TACR1: variants seen among roughly 807,000 people sequenced by gnomAD.
TACR1 encodes the protein tachykinin receptor 1.
A neutral mutation model predicts 35.8 loss-of-function variants in TACR1; 25 were observed. The observed-to-expected ratio is 0.70, with a 90% CI of 0.51 to 0.98. The LOEUF is 0.98. Among genes scored for constraint, TACR1 ranks in the 50% least tolerant of loss-of-function variants. TACR1 has a pLI of 0.00. For synonymous variants in TACR1, 195 were observed against 206.7 expected (o/e 0.94, Z 0.48); for missense variants, 478 against 522.9 (o/e 0.91, Z 0.84).
chr2:75,120,622 A>G lies in TACR1; in HGVS notation c.536T>C (p.Val179Ala), dbSNP rs199687081. The change falls in exon 2 of 5, where the codon GTG becomes GCG. Residue 179 changes from valine to alanine, a missense_variant. Transcript: ENST00000305249. Reference protein sequence around the residue: ...STTETMPSRVVCMIEWPEHPN... With the variant: ...STTETMPSRVACMIEWPEHPN... ...ATGCTCTGGCCATTCGATCATGCACACGACTCTGCTGGGCATGGTCTCTGT... is the reference window on the plus strand; with the variant it reads ...ATGCTCTGGCCATTCGATCATGCACGCGACTCTGCTGGGCATGGTCTCTGT... The G allele has an allele frequency of 2.9e-5, 46 of 1,612,852 alleles. No individual in the cohort carries two copies. Among genetic ancestry groups the G allele is most frequent in the Non-Finnish European group, 3.8e-5 (45 of 1,179,486 alleles).
At chr2:75,103,544 T>C (rs914157184) in intron 2 of TACR1, among the ~76,000 whole-genome samples, 4 of 146,222 alleles carry the variant, frequency 2.7e-5, no homozygotes, top group African/African-American at 1.0e-4. Context: ...CATGAGTCCA[T>C]ACTAACATAA....
Position 75,102,365 on chromosome 2 carries a change from C to T in TACR1, c.584+18209G>A, listed in dbSNP as rs151048449. On this transcript the variant is annotated intron_variant, in intron 2 of 4. Coordinates refer to ENST00000305249, the MANE Select transcript of TACR1 (RefSeq NM_001058.4). ...GTTGTTACTTTAAACCACTAAGTTT[C>T]GGAATGATTTGTTACGCAGCAGGAA... Among the ~76,000 whole-genome samples, 255 of 152,288 alleles carry T rather than the reference C, an allele frequency of 1.7e-3. 3 individuals carry two copies. Among genetic ancestry groups the T allele is most frequent in the African/African-American group, 4.7e-3 (195 of 41,560 alleles).
chr2:75,084,643 G>A (rs1457858197), intron 2 of TACR1, among the ~76,000 whole-genome samples: 1 of 152,040 alleles, frequency 6.6e-6, no homozygotes, highest in Non-Finnish European at 1.5e-5. Context: ...ACTTCTTCCT[G>A]GTTTAGTCTT....
chr2:75,182,549 A>G (rs2104051762), intron 1 of TACR1, among the ~76,000 whole-genome samples: 1 of 152,320 alleles, frequency 6.6e-6, no homozygotes, highest in Non-Finnish European at 1.5e-5. Context: ...TGGTGCTTCC[A>G]TGAGTTTATA....
intron 1 of TACR1, among the ~76,000 whole-genome samples, chr2:75,138,616 T>A (rs1313039451): frequency 2.0e-5 from 3 of 152,180 alleles, no homozygotes; most frequent in African/African-American, 7.2e-5. Flanking sequence ...CTGTGGTATG[T>A]TATTACATAC....
chr2:75,096,766 C>G (rs79668059), intron 2 of TACR1, among the ~76,000 whole-genome samples: 1 of 152,208 alleles, frequency 6.6e-6, no homozygotes, highest in African/African-American at 2.4e-5. Context: ...TCCCACTTCA[C>G]TGAGAATATT....
chr2:75,087,510 A>G, intron 2 of TACR1, among the ~76,000 whole-genome samples: 1 of 152,240 alleles, frequency 6.6e-6, no homozygotes. Context: ...CTTACTATTA[A>G]GAAAGGCTGT....
intron 2 of TACR1, among the ~76,000 whole-genome samples, chr2:75,072,273 A>T (rs1261638251): frequency 6.6e-6 from 1 of 152,186 alleles, no homozygotes; most frequent in South Asian, 2.1e-4. Flanking sequence ...CAGGTCAAGG[A>T]TGCAGGACGG....
At chr2:75,053,896 A>C in intron 2 of TACR1, 141 bp from the exon 3 acceptor site, 1 of 1,108,718 alleles carries the variant, frequency 9.0e-7, no homozygotes, top group Non-Finnish European at 1.3e-6. Flanking sequence ...TGTAAAGCCC[A>C]CTCCAGGGAG....
At chr2:75,080,914 G>A (rs969259410) in intron 2 of TACR1, among the ~76,000 whole-genome samples, 3 of 152,182 alleles carry the variant, frequency 2.0e-5, no homozygotes, top group Non-Finnish European at 4.4e-5. Flanking sequence ...ATAATTGGAA[G>A]GAAGGAAGCC....
intron 1 of TACR1, among the ~76,000 whole-genome samples, chr2:75,175,134 G>C (rs1675381990): frequency 6.6e-6 from 1 of 152,194 alleles, no homozygotes; most frequent in Non-Finnish European, 1.5e-5. Flanking sequence ...TCTAGATGGT[G>C]AGTACTTCCT....
intron 1 of TACR1, chr2:75,154,409 C>CGT (rs1674763371): frequency 1.0e-5 from 1 of 97,106 alleles, no homozygotes; most frequent in Non-Finnish European, 2.4e-5. Flanking sequence ...AGAGCGCGCA[C>CGT]GCACACACAC....
In TACR1 at chr2:75,075,875, A is replaced by C. The variant is rs138346930; in HGVS notation, c.585-22120T>G. Among the ~76,000 whole-genome samples, 769 of 152,378 alleles carry C rather than the reference A, an allele frequency of 5.0e-3. 6 individuals carry two copies. The highest frequency in any genetic ancestry group is 0.021 in the South Asian group (103 of 4,830). ...GCAAAAATAGGAATATATAATCTTA[A>C]TGTCCAACATTAGGAATTCATAGTT... On this transcript the variant is annotated intron_variant, in intron 2 of 4. Coordinates refer to ENST00000305249, the MANE Select transcript of TACR1 (RefSeq NM_001058.4).
chr2:75,061,538 A>G (rs1414967856), intron 2 of TACR1, among the ~76,000 whole-genome samples: 2 of 152,112 alleles, frequency 1.3e-5, no homozygotes, highest in Admixed American at 1.3e-4. Context: ...TACCTCTCTG[A>G]CACATCACCC....
At chr2:75,094,594 CATTGGTGGTAGT>C (rs1448644767) in intron 2 of TACR1, among the ~76,000 whole-genome samples, 8 of 151,478 alleles carry the variant, frequency 5.3e-5, no homozygotes, top group Admixed American at 3.9e-4. Flanking sequence ...GCAGTGGTTG[CATTGGTGGTAGT>C]GATGGTGGTA....
At chr2:75,155,405 G>A (rs1406765482) in intron 1 of TACR1, among the ~76,000 whole-genome samples, 1 of 150,540 alleles carries the variant, frequency 6.6e-6, no homozygotes. Context: ...CCCTCCCTTT[G>A]CTTACATGCC....
At chr2:75,157,192 C>T (rs1311532344) in intron 1 of TACR1, among the ~76,000 whole-genome samples, 2 of 152,122 alleles carry the variant, frequency 1.3e-5, no homozygotes, top group East Asian at 3.9e-4. Context: ...GGAAAGGCAC[C>T]ACCGTGGAGC....
At chr2:75,086,420 T>C (rs944291885) in intron 2 of TACR1, among the ~76,000 whole-genome samples, 4 of 152,230 alleles carry the variant, frequency 2.6e-5, no homozygotes, top group Non-Finnish European at 5.9e-5. Flanking sequence ...ATGCCTGTTT[T>C]ATAAAGTGCA....
chr2:75,187,950 C>T (rs1208797495), intron 1 of TACR1: 1 of 152,180 alleles, frequency 6.6e-6, no homozygotes, highest in Non-Finnish European at 1.5e-5. Context: ...TTCCAGACCC[C>T]TCATCATTCC....
Sources: gnomAD v4.1 joint callset for allele counts (sites outside exome capture counted in the v4.1 genomes callset) on GRCh38, gnomAD v4.1.1 for gene constraint, MANE v1.5 for transcripts, NCBI Gene and HGNC (gene_info 2026-07-23, HGNC 2026-07-21) for gene names.